RIMS1: variants seen among roughly 807,000 people sequenced by gnomAD.
RIMS1 encodes the protein regulating synaptic membrane exocytosis 1.
In RIMS1, 83 loss-of-function variants were observed where a neutral mutation model predicts 214.1. The observed-to-expected ratio is 0.39, with a 90% CI of 0.32 to 0.47. The LOEUF is 0.47. RIMS1 is among the 20% of genes least tolerant of loss of function. The pLI, the probability that RIMS1 is intolerant of heterozygous loss-of-function variation, is 0.99. For missense variants in RIMS1, 2,050 were observed against 2,161.8 expected, an observed-to-expected ratio of 0.95 and a Z score of 1.03; for synonymous variants, 793 against 786.8, an observed-to-expected ratio of 1.01 and a Z score of -0.13.
chr6:71,894,936 A>G (rs959430940), intron 1 of RIMS1, among the ~76,000 whole-genome samples: 1 of 152,208 alleles, frequency 6.6e-6, no homozygotes, highest in Non-Finnish European at 1.5e-5. Flanking sequence ...TGATTTATAC[A>G]TTATTTAGTA....
At chr6:72,270,210 G>T (rs949354044) in intron 22 of RIMS1, among the ~76,000 whole-genome samples, 2 of 152,028 alleles carry the variant, frequency 1.3e-5, no homozygotes, top group African/African-American at 4.8e-5. Context: ...AGATATCATA[G>T]GTCTTGTTTC....
intron 3 of RIMS1, among the ~76,000 whole-genome samples, chr6:72,098,289 C>CTTTTTTTTTTTTTTTTTT (rs58934201): frequency 1.4e-5 from 2 of 143,346 alleles, no homozygotes; most frequent in Non-Finnish European, 1.5e-5. Context: ...ATCAATATAT[C>CTTTTTTTTTTTTTTTTTT]TTTTTTTTTT....
At chr6:72,026,619 G>A (rs2151977159) in intron 2 of RIMS1, among the ~76,000 whole-genome samples, 1 of 151,994 alleles carries the variant, frequency 6.6e-6, no homozygotes, top group Middle Eastern at 3.4e-3. Flanking sequence ...TTGCCCAGAT[G>A]TTCTACCATT....
intron 6 of RIMS1, among the ~76,000 whole-genome samples, chr6:72,204,715 A>G (rs573317807): frequency 1.3e-5 from 2 of 152,310 alleles, no homozygotes; most frequent in South Asian, 2.1e-4. Context: ...TATGGTTACT[A>G]AAGTGATAGT....
chr6:72,202,584 G>A (rs950350043), intron 6 of RIMS1, among the ~76,000 whole-genome samples: 1 of 152,176 alleles, frequency 6.6e-6, no homozygotes, highest in Non-Finnish European at 1.5e-5. Context: ...GATGAGTTTG[G>A]AGGGGGACAT....
intron 15 of RIMS1, among the ~76,000 whole-genome samples, chr6:72,251,728 C>A (rs74295561): frequency 1.3e-5 from 2 of 151,994 alleles, no homozygotes; most frequent in Non-Finnish European, 2.9e-5. Context: ...CTCCCCCCAC[C>A]GAGAGAGAGT....
At chr6:72,221,323 ATT>A (rs1264837490) in intron 6 of RIMS1, among the ~76,000 whole-genome samples, 3 of 133,662 alleles carry the variant, frequency 2.2e-5, no homozygotes, top group East Asian at 2.1e-4. Context: ...TGTGTGTGTG[ATT>A]TTTTTTTTCT....
chr6:72,290,850 G>C lies in RIMS1; in HGVS notation c.3726G>C (p.Pro1242=). 1.9e-6 allele frequency: 3 copies of C among 1,612,224 alleles called. No homozygotes were observed. The highest frequency in any genetic ancestry group is 2.5e-6 in the Non-Finnish European group (3 of 1,179,564). Residue 1242 remains proline (P), a synonymous_variant, in exon 25 of 34, where the codon CCG becomes CCC. Transcript: ENST00000521978. ...CTGGAGGGTCGGCGCCACCTTCTCC[G>C]CTTCTGACAAGGTCGCTATTCAGTG... is the stretch of plus-strand genomic sequence containing the variant. ...LVPGGSAPPS[P]LLTRMHRQRS... is the part of the protein sequence containing the mutation.
intron 4 of RIMS1, among the ~76,000 whole-genome samples, chr6:72,175,587 C>T (rs113952072): frequency 0.011 from 1,744 of 151,994 alleles, 10 homozygotes; most frequent in Non-Finnish European, 0.018. Flanking sequence ...GCAGGAGAAT[C>T]GCTTGAACCC....
chr6:71,960,759 C>G (rs1792702562), intron 1 of RIMS1, among the ~76,000 whole-genome samples: 1 of 152,014 alleles, frequency 6.6e-6, no homozygotes, highest in African/African-American at 2.4e-5. Flanking sequence ...ATGTGTTTAC[C>G]TAAATATTCA....
chr6:72,093,229 A>ATATATATATATATATATATATATATATAG, intron 2 of RIMS1, among the ~76,000 whole-genome samples: 1 of 82,592 alleles, frequency 1.2e-5, no homozygotes, highest in South Asian at 4.3e-4. Flanking sequence ...TATATATATA[A>ATATATATATATATATATATATATATATAG]AAACATGTGT....
intron 2 of RIMS1, among the ~76,000 whole-genome samples, chr6:72,039,089 G>A (rs758832548): frequency 4.9e-4 from 75 of 152,162 alleles, no homozygotes; most frequent in Non-Finnish European, 9.0e-4. Flanking sequence ...GTTTTCAAGT[G>A]GTTTTTGAAT....
chr6:72,081,819 G>T (rs1294023849), intron 2 of RIMS1, among the ~76,000 whole-genome samples: 1 of 152,096 alleles, frequency 6.6e-6, no homozygotes, highest in South Asian at 2.1e-4. Context: ...GGATATAAAA[G>T]AACTTAAGTT....
At chr6:72,092,174 T>C (rs1246752928) in intron 2 of RIMS1, among the ~76,000 whole-genome samples, 1 of 152,180 alleles carries the variant, frequency 6.6e-6, no homozygotes, top group Non-Finnish European at 1.5e-5. Context: ...GGTTGTATTT[T>C]AAGAGAACAA....
intron 15 of RIMS1, 119 bp from the exon 16 acceptor site, chr6:72,252,642 A>C: frequency 1.3e-6 from 1 of 744,748 alleles, no homozygotes; most frequent in Admixed American, 2.0e-5. Context: ...TTACTGTATT[A>C]GTCTTCATAA....
chr6:71,991,303 G>T (rs903537444), intron 2 of RIMS1, among the ~76,000 whole-genome samples: 1 of 150,542 alleles, frequency 6.6e-6, no homozygotes, highest in Non-Finnish European at 1.5e-5. Context: ...ATTTTATGTC[G>T]ATTTCCCCAG....
intron 6 of RIMS1, chr6:72,216,806 AG>A (rs1278115574): frequency 2.0e-6 from 2 of 992,220 alleles, no homozygotes; most frequent in Non-Finnish European, 2.4e-6. Flanking sequence ...GGCTTCAGGA[AG>A]GTAGCAGCTT....
At chr6:72,109,106 G>T (rs989040994) in intron 4 of RIMS1, among the ~76,000 whole-genome samples, 1 of 152,022 alleles carries the variant, frequency 6.6e-6, no homozygotes. Flanking sequence ...ATCATTGTTG[G>T]ACATTTGGGT....
At chr6:72,096,128 C>G (rs563396367) in intron 2 of RIMS1, among the ~76,000 whole-genome samples, 1 of 152,266 alleles carries the variant, frequency 6.6e-6, no homozygotes, top group South Asian at 2.1e-4. Flanking sequence ...GGAGGTTTCC[C>G]TAGACAACTT....
Sources: allele counts gnomAD v4.1 joint callset (sites outside exome capture counted in the v4.1 genomes callset), GRCh38; gene constraint gnomAD v4.1.1; transcripts MANE v1.5; gene names NCBI Gene and HGNC (gene_info 2026-07-23, HGNC 2026-07-21).